NPAS3: variants seen among roughly 807,000 people sequenced by gnomAD.
NPAS3 encodes the protein neuronal PAS domain-containing protein 3.
A neutral mutation model predicts 73.1 loss-of-function variants in NPAS3; 14 were observed. The observed-to-expected ratio is 0.19, with a 90% CI of 0.13 to 0.30. NPAS3 has a LOEUF of 0.30. Ranked by LOEUF, NPAS3 falls within the 10% of genes least tolerant of loss-of-function variation. The pLI is 1.00. For missense variants in NPAS3, 1,096 were observed against 1,250.0 expected, an observed-to-expected ratio of 0.88 and a Z score of 1.86; for synonymous variants, 620 against 541.5, an observed-to-expected ratio of 1.14 and a Z score of -2.01.
At chr14:33,076,683 T>C (rs1199590826) in intron 2 of NPAS3, among the ~76,000 whole-genome samples, 1 of 152,156 alleles carries the variant, frequency 6.6e-6, no homozygotes, top group African/African-American at 2.4e-5. Flanking sequence ...TAACAAGATA[T>C]CCTTCATATA....
At chr14:33,516,753 G>A (rs984202211) in intron 4 of NPAS3, among the ~76,000 whole-genome samples, 1 of 152,100 alleles carries the variant, frequency 6.6e-6, no homozygotes, top group African/African-American at 2.4e-5. Context: ...AAATTGCGAT[G>A]GTGGTCGTGA....
In NPAS3 at chr14:33,347,510, G is replaced by A. The variant is rs2044798005; in HGVS notation, c.386-19676G>A. On this transcript the variant is annotated intron_variant, in intron 3 of 11. Transcript: ENST00000356141. ...TAAGATGCTTTTCCAACTATTCATT[G>A]CCGGAGGGCTTCACAGGTGTGGCTG... Among the ~76,000 whole-genome samples, 4 of 152,326 alleles carry A rather than the reference G, an allele frequency of 2.6e-5. No individual in the cohort carries two copies. The South Asian group carries it at 8.3e-4, about 32-fold the overall frequency.
intron 1 of NPAS3, 115 bp from the exon 2 acceptor site, chr14:33,055,790 A>ATCTCGGT: frequency 4.7e-6 from 3 of 632,438 alleles, no homozygotes; most frequent in South Asian, 3.9e-5. Context: ...TTGTGTGTAG[A>ATCTCGGT]GCTCAAAAGC....
At chr14:33,268,489 T>C (rs1050722297) in intron 3 of NPAS3, among the ~76,000 whole-genome samples, 2 of 152,162 alleles carry the variant, frequency 1.3e-5, no homozygotes, top group South Asian at 4.1e-4. Flanking sequence ...ATTGGCCTTG[T>C]CTTTGATGTT....
chr14:33,604,576 T>G (rs1234419301), intron 5 of NPAS3, among the ~76,000 whole-genome samples: 2 of 152,116 alleles, frequency 1.3e-5, no homozygotes, highest in Non-Finnish European at 2.9e-5. Flanking sequence ...ATATAGAATC[T>G]TTAAATAGCA....
chr14:33,735,755 T>TCTTAGCCACCGAGATTTGTACA (rs2061508643), intron 7 of NPAS3, among the ~76,000 whole-genome samples: 1 of 150,768 alleles, frequency 6.6e-6, no homozygotes, highest in Non-Finnish European at 1.5e-5. Context: ...TTTAATAACA[T>TCTTAGCCACCGAGATTTGTACA]CTTAGCCACC....
chr14:33,469,417 A>T (rs1398677724), intron 4 of NPAS3, among the ~76,000 whole-genome samples: 1 of 152,176 alleles, frequency 6.6e-6, no homozygotes, highest in Non-Finnish European at 1.5e-5. Context: ...GTATAATTAT[A>T]TCCATTTTAG....
intron 1 of NPAS3, among the ~76,000 whole-genome samples, chr14:32,958,523 G>A (rs2036773755): frequency 6.6e-6 from 1 of 152,068 alleles, no homozygotes; most frequent in Admixed American, 6.6e-5. Context: ...TTCTGTCTGG[G>A]TTTTCTACTC....
chr14:33,459,542 T>C (rs1396126277), intron 4 of NPAS3, among the ~76,000 whole-genome samples: 2 of 152,188 alleles, frequency 1.3e-5, no homozygotes, highest in Non-Finnish European at 2.9e-5. Flanking sequence ...TCAAAGTCAT[T>C]TGGTCAGGCA....
intron 4 of NPAS3, among the ~76,000 whole-genome samples, chr14:33,530,816 G>A (rs1391425373): frequency 6.6e-6 from 1 of 152,126 alleles, no homozygotes; most frequent in Non-Finnish European, 1.5e-5. Flanking sequence ...CATGGTGGTA[G>A]CTGAGCTGTT....
chr14:33,227,686 C>T (rs534083737), intron 3 of NPAS3, among the ~76,000 whole-genome samples: 2 of 152,266 alleles, frequency 1.3e-5, no homozygotes, highest in African/African-American at 4.8e-5. Context: ...CCAATGATTC[C>T]ACCTCCAAGT....
At chr14:33,325,740 T>A (rs1298241918) in intron 3 of NPAS3, among the ~76,000 whole-genome samples, 2 of 151,658 alleles carry the variant, frequency 1.3e-5, no homozygotes, top group Admixed American at 1.3e-4. Context: ...TGGGTTTTTT[T>A]TTTTTTGGTA....
At chr14:33,612,456 TC>T (rs2057781916) in intron 5 of NPAS3, 1 of 455,948 alleles carries the variant, frequency 2.2e-6, no homozygotes, top group African/African-American at 2.0e-5. Flanking sequence ...AAGCAGATGT[TC>T]TGTGGCAAAG....
At chr14:33,377,896 A>C (rs2046376263) in intron 4 of NPAS3, among the ~76,000 whole-genome samples, 1 of 152,230 alleles carries the variant, frequency 6.6e-6, no homozygotes, top group African/African-American at 2.4e-5. Flanking sequence ...CCTAATTTGC[A>C]TCAGGGACTG....
rs11156802 is a variant in NPAS3 at position 33,543,959 on chromosome 14, A to C, written c.469-16162A>C. Among the ~76,000 whole-genome samples, 47 of 21,884 alleles carry C rather than the reference A, an allele frequency of 2.1e-3. 1 individual carries two copies. The highest frequency in any genetic ancestry group is 3.0e-3 in the Non-Finnish European group (34 of 11,418). The allele number at this position is 21,884 out of a possible 152,430, so 14.4% of individuals were successfully genotyped here. A position where few individuals can be genotyped will look rare whatever the true frequency, so the allele number is the denominator to read the frequency against. ...TATGGCAAAGTGCATATATATATAT[A>C]TATATATATATATATATATATATAT... On this transcript the variant is annotated intron_variant, in intron 4 of 11. Coordinates refer to ENST00000356141, the Ensembl canonical transcript of NPAS3.
At chr14:33,043,862 C>A (rs1273353665) in intron 1 of NPAS3, among the ~76,000 whole-genome samples, 5 of 151,772 alleles carry the variant, frequency 3.3e-5, no homozygotes, top group African/African-American at 1.2e-4. Context: ...CTGTAAGACA[C>A]AAAATCTTCA....
chr14:33,538,053 T>A (rs1043922047), intron 4 of NPAS3, among the ~76,000 whole-genome samples: 1 of 151,456 alleles, frequency 6.6e-6, no homozygotes, highest in Non-Finnish European at 1.5e-5. Context: ...TGCAGACCAC[T>A]TTACATTGGA....
intron 1 of NPAS3, among the ~76,000 whole-genome samples, chr14:32,999,698 G>T (rs1271938673): frequency 6.6e-6 from 1 of 152,012 alleles, no homozygotes; most frequent in African/African-American, 2.4e-5. Context: ...TAGTAAAGAT[G>T]CTCCAAAAAT....
At chr14:33,419,205 A>C (rs2048274202) in intron 4 of NPAS3, among the ~76,000 whole-genome samples, 1 of 151,944 alleles carries the variant, frequency 6.6e-6, no homozygotes, top group South Asian at 2.1e-4. Flanking sequence ...CTGAAGGTAG[A>C]CTAAGGATAA....
Sources: gnomAD v4.1 joint callset for allele counts (sites outside exome capture counted in the v4.1 genomes callset) on GRCh38, gnomAD v4.1.1 for gene constraint, MANE v1.5 for transcripts, NCBI Gene and HGNC (gene_info 2026-07-23, HGNC 2026-07-21) for gene names.